COL10A1: variants seen among roughly 807,000 people sequenced by gnomAD.
COL10A1 encodes the protein collagen type X alpha 1 chain, also known as collagen alpha-1(X) chain.
In COL10A1, 10 loss-of-function variants were observed where a neutral mutation model predicts 18.2. The observed-to-expected ratio is 0.55, with a 90% CI of 0.34 to 0.93. The LOEUF is 0.93. Among genes scored for constraint, COL10A1 ranks in the 40% least tolerant of loss-of-function variants. The probability of loss-of-function intolerance (pLI) is 0.02; values close to 1 mark genes in which losing one functional copy is unlikely to be tolerated. For missense variants in COL10A1, 897 were observed against 853.5 expected, an observed-to-expected ratio of 1.05 and a Z score of -0.64; for synonymous variants, 330 against 316.6, an observed-to-expected ratio of 1.04 and a Z score of -0.45.
chr6:116,148,632 G>A (rs953233091), intron 1 of COL10A1, among the ~76,000 whole-genome samples: 2 of 151,824 alleles, frequency 1.3e-5, no homozygotes, highest in African/African-American at 2.4e-5. Context: ...GGTTTTTTTT[G>A]GTTAAGAAAT....
the COL10A1 span, among the ~76,000 whole-genome samples, chr6:116,212,353 A>G: frequency 3.3e-5 from 5 of 152,252 alleles, no homozygotes; most frequent in Non-Finnish European, 5.9e-5. Flanking sequence ...TACTCTGTCT[A>G]TGCAAGGTAT....
chr6:116,213,435 G>A, the COL10A1 span, among the ~76,000 whole-genome samples: 1 of 152,050 alleles, frequency 6.6e-6, no homozygotes, highest in African/African-American at 2.4e-5. Context: ...GTAAGGAGTC[G>A]AAGCTGCCAG....
At chr6:116,180,430 C>G in the COL10A1 span, among the ~76,000 whole-genome samples, 1 of 151,976 alleles carries the variant, frequency 6.6e-6, no homozygotes, top group East Asian at 1.9e-4. Context: ...TTTATAATCC[C>G]TAATGAAATA....
chr6:116,155,914 G>A (rs772311455), intron 1 of COL10A1, among the ~76,000 whole-genome samples: 13 of 151,978 alleles, frequency 8.6e-5, no homozygotes, highest in Non-Finnish European at 8.8e-5. Flanking sequence ...AAAAACAATG[G>A]GAGAATTTAC....
At chr6:116,155,456 C>G (rs905949724) in intron 1 of COL10A1, among the ~76,000 whole-genome samples, 1 of 152,086 alleles carries the variant, frequency 6.6e-6, no homozygotes, top group African/African-American at 2.4e-5. Flanking sequence ...TGTGAATTAA[C>G]ATGGCCTAAA....
chr6:116,120,889 T>C lies in COL10A1; in HGVS notation c.1227A>G (p.Lys409=). 6.2e-7 allele frequency: 1 copy of C among 1,613,948 alleles called. No homozygotes were observed. The highest frequency in any genetic ancestry group is 8.5e-7 in the Non-Finnish European group (1 of 1,179,904). ...GAGGTCCTCCAACTCCAGGATCACC[T>C]TTTGGACCTGGTAACCCTGGGTTAC... The part of the protein sequence containing the change: ...PKGNPGLPGP[K]GDPGVGGPPG... Residue 409 remains lysine, a synonymous_variant, in exon 3 of 3, where the codon AAA becomes AAG. Coordinates refer to ENST00000651968, the MANE Select transcript of COL10A1 (RefSeq NM_000493.4).
rs750320317 is a variant in COL10A1 at position 116,121,337 on chromosome 6, G to A, written c.779C>T (p.Pro260Leu). Reference sequence around the variant, plus strand: ...AGCTCCTGGCTTTCCAATGCCTTCTGGCCCTCGTTCCCCAGGAGGGCCTTG... The same window carrying A: ...AGCTCCTGGCTTTCCAATGCCTTCTAGCCCTCGTTCCCCAGGAGGGCCTTG... ...GPQGPPGERG[P>L]EGIGKPGAAG... The change falls in exon 3 of 3, where the codon CCA becomes CTA. Residue 260 changes from proline (P) to leucine (L), a missense_variant. Physicochemically the swap from Pro to Leu is moderately conservative, Grantham distance 98. Coordinates refer to ENST00000651968, the MANE Select transcript of COL10A1 (RefSeq NM_000493.4). 2 of 1,614,076 alleles carry A rather than the reference G, an allele frequency of 1.2e-6. No homozygotes were observed. Among genetic ancestry groups the A allele is most frequent in the South Asian group, 2.2e-5 (2 of 91,076 alleles).
chr6:116,204,014 G>A, the COL10A1 span, among the ~76,000 whole-genome samples: 1 of 151,654 alleles, frequency 6.6e-6, no homozygotes, highest in Non-Finnish European at 1.5e-5. Context: ...GCTCTCCATA[G>A]ACCCGCTGAA....
chr6:116,139,732 A>G (rs1779716141), intron 1 of COL10A1, among the ~76,000 whole-genome samples: 1 of 152,120 alleles, frequency 6.6e-6, no homozygotes, highest in Admixed American at 6.6e-5. Context: ...CATGGGAGTA[A>G]GGAGAGAAAT....
At chr6:116,182,601 C>T in the COL10A1 span, among the ~76,000 whole-genome samples, 4 of 152,028 alleles carry the variant, frequency 2.6e-5, no homozygotes, top group East Asian at 7.7e-4. Context: ...GGTGGTATCA[C>T]ATTATGGTTT....
chr6:116,186,481 T>C, the COL10A1 span, among the ~76,000 whole-genome samples: 2 of 151,960 alleles, frequency 1.3e-5, no homozygotes, highest in Admixed American at 6.6e-5. Context: ...TTCCCAGACT[T>C]TTAGATTTCT....
chr6:116,124,975 C>T (rs1220207728), intron 2 of COL10A1, among the ~76,000 whole-genome samples: 3 of 152,092 alleles, frequency 2.0e-5, no homozygotes, highest in Non-Finnish European at 2.9e-5. Flanking sequence ...CTTCTTTATA[C>T]AATTGGCAGT....
Position 116,120,758 on chromosome 6 carries a change from G to A in COL10A1, c.1358C>T (p.Pro453Leu). 6.2e-7 allele frequency: 1 copy of A among 1,608,476 alleles called. No homozygotes were observed. Among genetic ancestry groups the A allele is most frequent in the Non-Finnish European group, 8.5e-7 (1 of 1,177,886 alleles). ...GAPGIPGTRG[P>L]IGPPGIPGFP... Reference sequence around the variant, plus strand: ...TCCTGGAATGCCTGGTGGCCCAATAGGGCCTCTAGTACCTGGTATTCCAGG... The same window carrying A: ...TCCTGGAATGCCTGGTGGCCCAATAAGGCCTCTAGTACCTGGTATTCCAGG... The change falls in exon 3 of 3, where the codon CCT (proline) becomes CTT (leucine). Residue 453 changes from proline to leucine, a missense_variant. Coordinates refer to ENST00000651968, the MANE Select transcript of COL10A1 (RefSeq NM_000493.4).
chr6:116,199,550 C>T, the COL10A1 span, among the ~76,000 whole-genome samples: 4 of 152,074 alleles, frequency 2.6e-5, no homozygotes, highest in East Asian at 1.9e-4. Flanking sequence ...TAGTTTCTAA[C>T]GCCATTCTCC....
At position 116,120,043 on chromosome 6, in the gene COL10A1, G is replaced by A; in HGVS notation, c.*30C>T. Reference sequence around the variant, plus strand: ...GTAGAGTTAGAGAATGCTTTTTCTAGCACAAGATTTAGATTAGCTCTGTGT... The same window carrying A: ...GTAGAGTTAGAGAATGCTTTTTCTAACACAAGATTTAGATTAGCTCTGTGT... On this transcript the variant is annotated 3_prime_UTR_variant, in exon 3 of 3. Coordinates refer to ENST00000651968, the MANE Select transcript of COL10A1 (RefSeq NM_000493.4). 1 of 1,545,768 alleles carries A rather than the reference G, an allele frequency of 6.5e-7. No individual in the cohort carries two copies. Among genetic ancestry groups the A allele is most frequent in the Non-Finnish European group, 8.7e-7 (1 of 1,143,530 alleles).
At chr6:116,178,120 T>C in the COL10A1 span, among the ~76,000 whole-genome samples, 9 of 151,508 alleles carry the variant, frequency 5.9e-5, no homozygotes, top group African/African-American at 2.2e-4. Context: ...CGTGTGTGTG[T>C]GTGTGTGTGT....
upstream of COL10A1, among the ~76,000 whole-genome samples, chr6:116,160,332 C>T (rs541978992): frequency 1.3e-5 from 2 of 152,222 alleles, no homozygotes; most frequent in South Asian, 2.1e-4. Flanking sequence ...GATGGCATCT[C>T]ACTGTGGTTT....
the COL10A1 span, among the ~76,000 whole-genome samples, chr6:116,184,552 T>A: frequency 6.6e-6 from 1 of 152,116 alleles, no homozygotes; most frequent in Non-Finnish European, 1.5e-5. Context: ...AATTACCATT[T>A]CAGTCTCACT....
chr6:116,204,410 A>C, the COL10A1 span, among the ~76,000 whole-genome samples: 1 of 151,972 alleles, frequency 6.6e-6, no homozygotes, highest in Non-Finnish European at 1.5e-5. Context: ...TGCAAGGTAA[A>C]ACAATGAGAT....
Sources: allele counts gnomAD v4.1 joint callset (sites outside exome capture counted in the v4.1 genomes callset), GRCh38; gene constraint gnomAD v4.1.1; transcripts MANE v1.5; gene names NCBI Gene and HGNC (gene_info 2026-07-23, HGNC 2026-07-21).